The following STK32A variants were observed in gnomAD, a reference collection of about 807,000 sequenced individuals.
STK32A encodes serine/threonine kinase 32A, also known as serine/threonine-protein kinase 32A.
A neutral mutation model predicts 53.2 loss-of-function variants in STK32A; 41 were observed. The observed-to-expected ratio is 0.77, with a 90% CI of 0.60 to 1.00. The LOEUF (loss-of-function observed/expected upper bound fraction) is 1.00. STK32A is among the 50% of genes least tolerant of loss of function. The pLI is 0.00. For missense variants in STK32A, 458 were observed against 485.8 expected (o/e 0.94, Z 0.54); for synonymous variants, 166 against 162.8 (o/e 1.02, Z -0.15).
At chr5:147,349,868 T>G (rs1755874830) in intron 6 of STK32A, among the ~76,000 whole-genome samples, 1 of 151,960 alleles carries the variant, frequency 6.6e-6, no homozygotes, top group Non-Finnish European at 1.5e-5. Flanking sequence ...TCCCAACACT[T>G]TCAGAGGCCG....
chr5:147,355,376 C>A (rs1238963456), intron 7 of STK32A, among the ~76,000 whole-genome samples: 2 of 152,066 alleles, frequency 1.3e-5, no homozygotes, highest in Non-Finnish European at 2.9e-5. Context: ...TTAGAGTTAA[C>A]CAATTAAAAC....
the STK32A span, chr5:147,395,515 C>T: frequency 6.4e-7 from 1 of 1,569,934 alleles, no homozygotes; most frequent in Non-Finnish European, 8.6e-7. Flanking sequence ...ATTGATCTTC[C>T]CCTTCCCCCT....
At position 147,262,784 on chromosome 5, in the gene STK32A, A is replaced by T. The variant is rs11741699; in HGVS notation, c.53-15340A>T. 2.0e-5 allele frequency among the ~76,000 whole-genome samples: 3 copies of T among 152,058 alleles called. No individual in the cohort carries two copies. In the South Asian group the frequency reaches 6.2e-4, roughly 32 times the overall value. ...ACGTTGCAGAAACTGGAAAGGAGAC[A>T]GAGAACTAGAAGCAACATAACTGAG... On this transcript the variant is annotated intron_variant, in intron 2 of 12. Coordinates refer to ENST00000397936, the MANE Select transcript of STK32A (RefSeq NM_001112724.2).
chr5:147,317,124 A>G (rs1378670372), intron 4 of STK32A, among the ~76,000 whole-genome samples: 1 of 133,642 alleles, frequency 7.5e-6, no homozygotes, highest in Non-Finnish European at 1.6e-5. Flanking sequence ...GCATACCACT[A>G]TCTGTGAAAT....
chr5:147,282,834 C>A (rs1376858575), intron 4 of STK32A, among the ~76,000 whole-genome samples: 1 of 152,096 alleles, frequency 6.6e-6, no homozygotes, highest in Admixed American at 6.5e-5. Flanking sequence ...CAGACAGCAA[C>A]ACAATAATAG....
At chr5:147,254,414 G>A (rs1031243204) in intron 2 of STK32A, among the ~76,000 whole-genome samples, 1 of 152,074 alleles carries the variant, frequency 6.6e-6, no homozygotes, top group Non-Finnish European at 1.5e-5. Context: ...ACATACTAAG[G>A]GTTCCCAAGT....
intron 2 of STK32A, among the ~76,000 whole-genome samples, chr5:147,271,355 G>A (rs998499726): frequency 1.2e-4 from 18 of 152,030 alleles, no homozygotes; most frequent in South Asian, 8.3e-4. Context: ...CATCTCGTAA[G>A]CTGAGGAGGA....
chr5:147,380,472 TA>T (rs545950130), intron 11 of STK32A, among the ~76,000 whole-genome samples: 13 of 147,006 alleles, frequency 8.8e-5, no homozygotes, highest in Admixed American at 2.7e-4. Context: ...ATTCCTAGGT[TA>T]AAAAAAAATA....
At chr5:147,287,789 C>T (rs80248170) in intron 4 of STK32A, among the ~76,000 whole-genome samples, 13,885 of 152,116 alleles carry the variant, frequency 0.091, 672 homozygotes, top group Middle Eastern at 0.14. Flanking sequence ...TGACAAGATA[C>T]TGTCACTTCA....
intron 8 of STK32A, 141 bp from the exon 9 acceptor site, chr5:147,370,513 G>T: frequency 2.1e-6 from 1 of 479,212 alleles, no homozygotes; most frequent in East Asian, 3.3e-5. Context: ...TACACATATG[G>T]CAACGCAAGA....
At chr5:147,293,459 T>C (rs1313174380) in intron 4 of STK32A, among the ~76,000 whole-genome samples, 1 of 127,880 alleles carries the variant, frequency 7.8e-6, no homozygotes, top group Non-Finnish European at 1.6e-5. Context: ...GGACCTCATA[T>C]CTGAAAAGTT....
intron 4 of STK32A, among the ~76,000 whole-genome samples, chr5:147,290,958 G>A (rs1383344908): frequency 6.6e-6 from 1 of 152,080 alleles, no homozygotes; most frequent in Non-Finnish European, 1.5e-5. Context: ...TTAAAATAAT[G>A]TAAGCTATTG....
rs1757566179 is a variant in STK32A at position 147,384,268 on chromosome 5, A to T, written c.*285A>T. The T allele has an allele frequency of 1.5e-6, 2 of 1,344,420 alleles. No individual in the cohort carries two copies. Among genetic ancestry groups the T allele is most frequent in the East Asian group, 5.2e-5 (2 of 38,638 alleles). The allele number at this position is 1,344,420 out of a possible 1,614,324, so 83.3% of individuals were successfully genotyped here. On this transcript the variant is annotated 3_prime_UTR_variant, in exon 13 of 13. Coordinates refer to ENST00000397936, the MANE Select transcript of STK32A (RefSeq NM_001112724.2). ...GAGAGGGTTATACTAGACGAGCCAT[A>T]CCCTGCCTTTTTAGTGCTATAGTTG...
chr5:147,370,047 G>A (rs981728853), intron 8 of STK32A, among the ~76,000 whole-genome samples: 1 of 152,004 alleles, frequency 6.6e-6, no homozygotes, highest in Non-Finnish European at 1.5e-5. Flanking sequence ...TAAAACTGTA[G>A]AAGAACCTGG....
chr5:147,338,015 G>A lies in STK32A; in HGVS notation c.435-4991G>A, dbSNP rs1274710816. Among the ~76,000 whole-genome samples the A allele has an allele frequency of 3.9e-5, 6 of 152,262 alleles. No homozygotes were observed. The East Asian group carries it at 1.2e-3, about 29-fold the overall frequency. ...CTGAGAGGCCAGGGTGTTAGATGGA[G>A]CATTCATGTAGACACTGAAGTCACC... On this transcript the variant is annotated intron_variant, in intron 5 of 12. Coordinates refer to ENST00000397936, the MANE Select transcript of STK32A (RefSeq NM_001112724.2).
At chr5:147,257,745 G>A (rs1475582641) in intron 2 of STK32A, among the ~76,000 whole-genome samples, 2 of 152,100 alleles carry the variant, frequency 1.3e-5, no homozygotes, top group African/African-American at 4.8e-5. Flanking sequence ...TGATAAGAAC[G>A]TGATCTTCAG....
At chr5:147,376,355 C>T (rs1354034272) in intron 11 of STK32A, among the ~76,000 whole-genome samples, 2 of 152,102 alleles carry the variant, frequency 1.3e-5, no homozygotes, top group Non-Finnish European at 2.9e-5. Context: ...GTCTTCTTCC[C>T]AATGGTCTGT....
downstream of STK32A, chr5:147,391,155 C>G (rs1413909732): frequency 6.6e-6 from 1 of 152,550 alleles, no homozygotes; most frequent in East Asian, 1.9e-4. Flanking sequence ...GGGAATTGCC[C>G]ACCCTACTGG....
intron 2 of STK32A, among the ~76,000 whole-genome samples, chr5:147,242,793 A>G (rs563095337): frequency 1.3e-5 from 2 of 152,320 alleles, no homozygotes; most frequent in South Asian, 4.1e-4. Context: ...AAAGTATGCC[A>G]TTCTAGGGAA....
Sources: allele counts gnomAD v4.1 joint callset (sites outside exome capture counted in the v4.1 genomes callset), GRCh38; gene constraint gnomAD v4.1.1; transcripts MANE v1.5; gene names NCBI Gene and HGNC (gene_info 2026-07-23, HGNC 2026-07-21).